The following ARID2 variants were observed in gnomAD, a reference collection of about 807,000 sequenced individuals.
ARID2 encodes AT-rich interaction domain 2.
ARID2 carries 32 observed loss-of-function variants against 184.6 expected under a neutral mutation model. That is an observed-to-expected ratio of 0.17 (90% CI 0.13 to 0.23). ARID2 has a LOEUF of 0.23. ARID2 is among the 10% of genes least tolerant of loss of function. The pLI, the probability that ARID2 is intolerant of heterozygous loss-of-function variation, is 1.00. For missense variants in ARID2, 1,696 were observed against 2,197.6 expected (o/e 0.77, Z 4.56); for synonymous variants, 836 against 772.6 (o/e 1.08, Z -1.36).
rs577510123 is a variant in ARID2, at chr12:45,831,438, T to C, written c.706-5151T>C. 3.9e-5 allele frequency among the ~76,000 whole-genome samples: 6 copies of C among 152,300 alleles called. No individual in the cohort carries two copies. In the South Asian group the frequency reaches 1.2e-3, roughly 32 times the overall value. On this transcript the variant is annotated intron_variant, in intron 6 of 20. Transcript: ENST00000334344. ...CATATATTTAGGGATACAGGAGATA[T>C]TTTGAAATAGGTATACAGTGTTTAA...
At chr12:45,874,234 G>C (rs1943971950) in intron 16 of ARID2, 2 of 152,222 alleles carry the variant, frequency 1.3e-5, no homozygotes, top group Non-Finnish European at 2.9e-5. Context: ...AGTCAGAAAT[G>C]GAGCAAGTCA....
intron 20 of ARID2, among the ~76,000 whole-genome samples, chr12:45,897,545 CAG>C (rs1347577404): frequency 6.6e-6 from 1 of 152,100 alleles, no homozygotes; most frequent in Admixed American, 6.5e-5. Context: ...CTGTGTAAAA[CAG>C]GGCAGTTCCT....
At position 45,860,889 on chromosome 12, in the gene ARID2, C is replaced by T. The variant is rs148443918; in HGVS notation, c.4862C>T (p.Pro1621Leu). ...QPSPFSGSSQPGDPMRKPGQN... is the reference protein window; with the variant it reads ...QPSPFSGSSQLGDPMRKPGQN... ...TCTCCATTCAGTGGATCCAGTCAGCCTGGAGATCCAATGAGAAAACCTGGA... is the reference window on the plus strand; with the variant it reads ...TCTCCATTCAGTGGATCCAGTCAGCTTGGAGATCCAATGAGAAAACCTGGA... Residue 1621 changes from proline (P) to leucine (L), a missense_variant, in exon 16 of 21, where the codon CCT (proline) becomes CTT (leucine). Physicochemically the swap from Pro to Leu is moderately conservative, Grantham distance 98. This residue lies in a region of ARID2 where 111 missense variants were observed against 154.0 expected (regional missense o/e 0.72). Coordinates refer to ENST00000334344, the MANE Select transcript of ARID2 (RefSeq NM_152641.4). 1 of 1,603,970 alleles carries T rather than the reference C, an allele frequency of 6.2e-7. No individual in the cohort carries two copies. The highest frequency in any genetic ancestry group is 8.5e-7 in the Non-Finnish European group (1 of 1,175,028).
At chr12:45,827,817 T>C (rs1213318561) in intron 6 of ARID2, among the ~76,000 whole-genome samples, 3 of 152,146 alleles carry the variant, frequency 2.0e-5, no homozygotes, top group Non-Finnish European at 4.4e-5. Flanking sequence ...AGTATGCTTA[T>C]GTGCAGGACC....
chr12:45,847,061 A>G (rs1943456899), intron 12 of ARID2, 124 bp downstream of exon 12: 2 of 726,972 alleles, frequency 2.8e-6, no homozygotes, highest in Non-Finnish European at 4.4e-6. Flanking sequence ...AGAGTAGAAT[A>G]TCATTTACAC....
Position 45,829,888 on chromosome 12 carries a change from A to G in ARID2, c.706-6701A>G, listed in dbSNP as rs533248575. Among the ~76,000 whole-genome samples, 25 of 138,774 alleles carry G rather than the reference A, an allele frequency of 1.8e-4. No homozygotes were observed. The South Asian group carries it at 4.9e-3, about 27-fold the overall frequency. 91.0% of individuals were successfully genotyped at this position (138,774 alleles called of 152,430 possible). A position where few individuals can be genotyped will look rare whatever the true frequency, so the allele number is the denominator to read the frequency against. ...ATTTCCTTAGGCTTGTTCCTTAATC[A>G]TTTTCAGCTGTGCCTAATATGCTGC... On this transcript the variant is annotated intron_variant, in intron 6 of 20. Transcript: ENST00000334344.
intron 7 of ARID2, 39 bp from the exon 8 acceptor site, chr12:45,836,698 TAATA>T: frequency 6.2e-7 from 1 of 1,600,192 alleles, no homozygotes; most frequent in Non-Finnish European, 8.5e-7. Flanking sequence ...TTTGAAGTAT[TAATA>T]AATGAAATAT....
Position 45,850,836 on chromosome 12 carries a change from C to A in ARID2, c.2713C>A (p.Gln905Lys), listed in dbSNP as rs1161161116. 1.2e-6 allele frequency: 2 copies of A among 1,614,020 alleles called. No individual in the cohort carries two copies. The highest frequency in any genetic ancestry group is 3.3e-5 in the Admixed American group (2 of 60,006). Residue 905 changes from glutamine (Q) to lysine (K), a missense_variant, in exon 15 of 21, where the codon CAA becomes AAA. By Grantham distance (53) the Gln-to-Lys change is moderately conservative. Coordinates refer to ENST00000334344, the MANE Select transcript of ARID2 (RefSeq NM_152641.4). ...TGCACCAAAACCTCTCCCTTCTCAG[C>A]AAGTTTCATCTACAGTGGTACAGCA... ...NIAPKPLPSQ[Q>K]VSSTVVQQPI...
intron 3 of ARID2, among the ~76,000 whole-genome samples, chr12:45,803,773 T>C (rs1334225127): frequency 6.6e-6 from 1 of 152,208 alleles, no homozygotes; most frequent in South Asian, 2.1e-4. Flanking sequence ...AACTGGTTTC[T>C]TTGGAGGAAT....
At chr12:45,842,530 G>A (rs75336564) in intron 11 of ARID2, among the ~76,000 whole-genome samples, 3 of 151,852 alleles carry the variant, frequency 2.0e-5, no homozygotes, top group Non-Finnish European at 4.4e-5. Context: ...AGGCCAAGGC[G>A]GGCAGATCTT....
chr12:45,808,750 T>G (rs560560990), intron 3 of ARID2, among the ~76,000 whole-genome samples: 40 of 151,906 alleles, frequency 2.6e-4, no homozygotes, highest in African/African-American at 8.9e-4. Flanking sequence ...TGTGTGTGTG[T>G]GTGTGTGTGT....
chr12:45,819,199 G>A (rs1032418828), intron 5 of ARID2, among the ~76,000 whole-genome samples: 1 of 152,166 alleles, frequency 6.6e-6, no homozygotes, highest in African/African-American at 2.4e-5. Context: ...AATAATTTAA[G>A]TTGGGTATAT....
chr12:45,901,930 G>A (rs920233225), intron 20 of ARID2, among the ~76,000 whole-genome samples: 11 of 150,708 alleles, frequency 7.3e-5, no homozygotes, highest in Middle Eastern at 3.4e-3. Context: ...CACCTGCCTC[G>A]GCCTCCCAAA....
chr12:45,905,032 C>T lies in ARID2; in HGVS notation c.5462C>T (p.Thr1821Ile), dbSNP rs1253541167. Residue 1821 changes from threonine (T) to isoleucine (I), a missense_variant, in exon 21 of 21, where the codon ACA becomes ATA. Thr to Ile is a moderately conservative substitution (Grantham distance 89). Coordinates refer to ENST00000334344, the MANE Select transcript of ARID2 (RefSeq NM_152641.4). Reference sequence around the variant, plus strand: ...AAATGCCTTTATGAACTTAATTTTACAGTTCAGAGTAAGGAACAAGAAAAA... The same window carrying T: ...AAATGCCTTTATGAACTTAATTTTATAGTTCAGAGTAAGGAACAAGAAAAA... Reference protein sequence around the residue: ...LAKCLYELNFTVQSKEQEKDS... With the variant: ...LAKCLYELNFIVQSKEQEKDS... The T allele has an allele frequency of 6.2e-7, 1 of 1,613,918 alleles. No individual in the cohort carries two copies. Among genetic ancestry groups the T allele is most frequent in the Non-Finnish European group, 8.5e-7 (1 of 1,179,916 alleles).
intron 8 of ARID2, 65 bp downstream of exon 8, chr12:45,837,056 G>A (rs557161015): frequency 6.5e-7 from 1 of 1,544,256 alleles, no homozygotes; most frequent in Non-Finnish European, 8.7e-7. Flanking sequence ...ACAATTTTAG[G>A]ATGTGGCATT....
chr12:45,893,477 T>C lies in ARID2; in HGVS notation c.5205T>C (p.Asn1735=). The C allele has an allele frequency of 1.2e-6, 2 of 1,614,066 alleles. No homozygotes were observed. Among genetic ancestry groups the C allele is most frequent in the Non-Finnish European group, 1.7e-6 (2 of 1,179,944 alleles). Residue 1735 remains asparagine (N), a synonymous_variant, in exon 19 of 21, where the codon AAT becomes AAC. Coordinates refer to ENST00000334344, the MANE Select transcript of ARID2 (RefSeq NM_152641.4). ...STPRAQKAIV[N]HPSAALMALR... The stretch of plus-strand genomic sequence containing the variant: ...CTAGAGCACAAAAGGCCATTGTGAA[T>C]CATCCCAGTGCTGCACTTATGGCTC...
intron 4 of ARID2, among the ~76,000 whole-genome samples, chr12:45,816,551 A>G (rs1259254007): frequency 6.6e-6 from 1 of 152,206 alleles, no homozygotes; most frequent in East Asian, 1.9e-4. Context: ...CTTATGTGTG[A>G]CTCAGCAATC....
chr12:45,778,730 A>G (rs1288850746), intron 3 of ARID2, among the ~76,000 whole-genome samples: 1 of 151,980 alleles, frequency 6.6e-6, no homozygotes. Context: ...TTATACTTCA[A>G]AAATCATATA....
rs1177962366 is a variant in ARID2, at chr12:45,730,065, T to A, written c.114T>A (p.Pro38=). The stretch of plus-strand genomic sequence containing the variant: ...GCAGGTCGCCTTTTAAAAAAATCCC[T>A]GCGGTGGGTGGGAAGGAGCTGGATC... ...HSRGSPFKKI[P]AVGGKELDLH... is the part of the protein sequence containing the mutation. The change falls in exon 2 of 21, where the codon CCT becomes CCA. Residue 38 remains proline, a synonymous_variant. Transcript: ENST00000334344. 1 of 1,613,452 alleles carries A rather than the reference T, an allele frequency of 6.2e-7. No individual in the cohort carries two copies.
Sources: gnomAD v4.1 joint callset for allele counts (sites outside exome capture counted in the v4.1 genomes callset) on GRCh38, gnomAD v4.1.1 for gene constraint, gnomAD v4.1.1 regional missense constraint, MANE v1.5 for transcripts, NCBI Gene and HGNC (gene_info 2026-07-23, HGNC 2026-07-21) for gene names.